Variants in NME7 observed in about 807,000 individuals in gnomAD.
NME7 encodes the protein NME/NM23 family member 7.
NME7 carries 41 observed loss-of-function variants against 49.1 expected under a neutral mutation model. The ratio of observed to expected loss-of-function variants is 0.83; its 90% confidence interval spans 0.65 to 1.08. NME7 has a LOEUF of 1.08. NME7 is among the 50% of genes least tolerant of loss of function. The pLI is 0.00. For missense variants in NME7, 423 were observed against 463.4 expected (o/e 0.91, Z 0.80); for synonymous variants, 139 against 150.6 (o/e 0.92, Z 0.56).
intron 10 of NME7, among the ~76,000 whole-genome samples, chr1:169,210,729 GA>G (rs34985260): frequency 0.07 from 10,598 of 152,000 alleles, 1,456 homozygotes; most frequent in East Asian, 0.66. Flanking sequence ...ATAAAATGGG[GA>G]AAAAAGAAAG....
intron 7 of NME7, among the ~76,000 whole-genome samples, chr1:169,276,815 G>A (rs901339655): frequency 2.2e-5 from 3 of 136,002 alleles, no homozygotes; most frequent in African/African-American, 5.0e-5. Flanking sequence ...GCTTTCTCTT[G>A]TGGCCATTTA....
intron 10 of NME7, among the ~76,000 whole-genome samples, chr1:169,210,547 G>A (rs1660782013): frequency 6.6e-6 from 1 of 151,802 alleles, no homozygotes; most frequent in African/African-American, 2.4e-5. Flanking sequence ...GTCCTTCTGT[G>A]GTAGTTTCAG....
intron 11 of NME7, among the ~76,000 whole-genome samples, chr1:169,133,689 T>G (rs1222791826): frequency 6.6e-6 from 1 of 152,232 alleles, no homozygotes; most frequent in African/African-American, 2.4e-5. Flanking sequence ...TTTAGGAGAC[T>G]TCAGTAGTTG....
intron 10 of NME7, among the ~76,000 whole-genome samples, chr1:169,170,312 C>T (rs533118752): frequency 3.3e-5 from 5 of 152,166 alleles, no homozygotes; most frequent in East Asian, 1.9e-4. Context: ...AGGCCAAGGT[C>T]GTAAGTGGGT....
chr1:169,261,068 GA>G (rs1157161434), intron 7 of NME7, among the ~76,000 whole-genome samples: 11 of 116,752 alleles, frequency 9.4e-5, no homozygotes, highest in East Asian at 4.4e-4. Flanking sequence ...TCTTAAAATA[GA>G]AAAAAAAAAG....
chr1:169,231,645 C>A (rs1647624316), intron 9 of NME7, among the ~76,000 whole-genome samples: 1 of 151,294 alleles, frequency 6.6e-6, no homozygotes, highest in Non-Finnish European at 1.5e-5. Flanking sequence ...GTAGACCAAA[C>A]AACTCAGAGA....
chr1:169,367,753 A>G lies in NME7; in HGVS notation c.-43T>C, dbSNP rs1252443412. On this transcript the variant is annotated 5_prime_UTR_variant, in exon 1 of 12. Transcript: ENST00000367811. ...ACTAGAAAATAGGTATCGTTGAGAC[A>G]GGAAGACACCACCACCACCACCATC... 6.2e-7 allele frequency: 1 copy of G among 1,613,282 alleles called. No individual in the cohort carries two copies. Among genetic ancestry groups the G allele is most frequent in the Non-Finnish European group, 8.5e-7 (1 of 1,179,340 alleles).
chr1:169,174,556 G>C (rs34605921), intron 10 of NME7, among the ~76,000 whole-genome samples: 16,202 of 152,178 alleles, frequency 0.11, 2,071 homozygotes, highest in East Asian at 0.73. Context: ...TTTCCTCATT[G>C]TGTGAACATC....
chr1:169,361,504 G>A (rs904528720), intron 1 of NME7, among the ~76,000 whole-genome samples: 5 of 152,184 alleles, frequency 3.3e-5, no homozygotes. Context: ...TGCTGTCTGG[G>A]TGCCAAGCTT....
chr1:169,263,779 C>T (rs539178905), intron 7 of NME7, among the ~76,000 whole-genome samples: 1 of 131,334 alleles, frequency 7.6e-6, no homozygotes, highest in African/African-American at 2.5e-5. Context: ...TTCAAGATCA[C>T]CCCCAAGACA....
rs191760747 is a variant in NME7 at position 169,193,807 on chromosome 1, G to A, written c.991-24253C>T. Among the ~76,000 whole-genome samples the A allele has an allele frequency of 2.9e-3, 436 of 151,818 alleles. 2 individuals carry two copies. The highest frequency in any genetic ancestry group is 0.01 in the Middle Eastern group (3 of 294). Reference sequence around the variant, plus strand: ...TATTTTTAAAGATATTCAGAACAACGAACATATTTATTCTAAGAATAAAAA... The same window carrying A: ...TATTTTTAAAGATATTCAGAACAACAAACATATTTATTCTAAGAATAAAAA... On this transcript the variant is annotated intron_variant, in intron 10 of 11. Transcript: ENST00000367811.
chr1:169,302,703 C>T (rs796777648), intron 5 of NME7, among the ~76,000 whole-genome samples: 3 of 152,176 alleles, frequency 2.0e-5, no homozygotes, highest in African/African-American at 7.2e-5. Context: ...GTACCCCAAA[C>T]CTCAGCATCA....
intron 7 of NME7, chr1:169,285,018 T>C (rs1009269157): frequency 1.3e-5 from 2 of 152,168 alleles, no homozygotes; most frequent in Admixed American, 1.3e-4. Flanking sequence ...GTGAGTGTAC[T>C]ATGTGTGTTT....
intron 9 of NME7, 76 bp downstream of exon 9, chr1:169,235,055 G>A: frequency 1.4e-6 from 1 of 724,486 alleles, no homozygotes. Flanking sequence ...CCTAGTACAG[G>A]AGCTTAGTCC....
chr1:169,330,694 TAAA>T (rs200758029), intron 1 of NME7, among the ~76,000 whole-genome samples: 1,966 of 151,852 alleles, frequency 0.013, 41 homozygotes, highest in African/African-American at 0.043. Flanking sequence ...AATAAATAAA[TAAA>T]ATCCATTACA....
At chr1:169,302,967 G>C in intron 5 of NME7, 178 bp downstream of exon 5, 5 of 396,540 alleles carry the variant, frequency 1.3e-5, no homozygotes, top group Non-Finnish European at 1.4e-5. Context: ...TAAAATATAG[G>C]AATTCTTACT....
chr1:169,297,549 G>A (rs1476151730), intron 6 of NME7, among the ~76,000 whole-genome samples: 6 of 152,080 alleles, frequency 3.9e-5, no homozygotes, highest in Admixed American at 2.6e-4. Context: ...AAGGAATAGC[G>A]AGATGGTTAG....
intron 4 of NME7, among the ~76,000 whole-genome samples, chr1:169,306,902 A>G (rs566265059): frequency 3.7e-4 from 57 of 152,262 alleles, no homozygotes; most frequent in Non-Finnish European, 7.5e-4. Flanking sequence ...AATCATAGTG[A>G]CCGTCACTGA....
At chr1:169,221,824 A>G (rs1661150027) in intron 10 of NME7, among the ~76,000 whole-genome samples, 1 of 152,014 alleles carries the variant, frequency 6.6e-6, no homozygotes, top group South Asian at 2.1e-4. Context: ...TATTACAGGC[A>G]TGTGCCACCA....
Sources: gnomAD v4.1 joint callset for allele counts (sites outside exome capture counted in the v4.1 genomes callset) on GRCh38, gnomAD v4.1.1 for gene constraint, MANE v1.5 for transcripts, NCBI Gene and HGNC (gene_info 2026-07-23, HGNC 2026-07-21) for gene names.